Variants in ZFHX3 observed in about 807,000 individuals in gnomAD.
ZFHX3 encodes the protein zinc finger homeobox 3.
In ZFHX3, 42 loss-of-function variants were observed where a neutral mutation model predicts 279.1. That is an observed-to-expected ratio of 0.15 (90% confidence interval 0.12 to 0.19). ZFHX3 has a LOEUF of 0.19. Ranked by LOEUF, ZFHX3 falls within the 10% of genes least tolerant of loss-of-function variation. The pLI is 1.00. For missense variants in ZFHX3, 4,981 were observed against 4,754.0 expected, an observed-to-expected ratio of 1.05 and a Z score of -1.40; for synonymous variants, 2,293 against 1,957.8, an observed-to-expected ratio of 1.17 and a Z score of -4.52.
chr16:73,587,292 C>G (rs2051937673), intron 2 of ZFHX3, among the ~76,000 whole-genome samples: 1 of 152,144 alleles, frequency 6.6e-6, no homozygotes, highest in Non-Finnish European at 1.5e-5. Context: ...AGATAAGAGA[C>G]TTTTTAAAAA....
chr16:73,163,808 A>T (rs1967297894), intron 5 of ZFHX3, among the ~76,000 whole-genome samples: 2 of 152,232 alleles, frequency 1.3e-5, no homozygotes, highest in South Asian at 4.1e-4. Context: ...TTCCATATCA[A>T]TATTTTACAT....
chr16:73,856,054 A>G (rs1274337074), intron 1 of ZFHX3, among the ~76,000 whole-genome samples: 2 of 152,222 alleles, frequency 1.3e-5, no homozygotes, highest in Non-Finnish European at 2.9e-5. Context: ...ACTTAGTACC[A>G]TGGAAAAATG....
intron 8 of ZFHX3, among the ~76,000 whole-genome samples, chr16:73,066,437 C>T (rs1471869439): frequency 6.6e-6 from 1 of 152,086 alleles, no homozygotes; most frequent in Non-Finnish European, 1.5e-5. Flanking sequence ...CCTTTTTTTT[C>T]CTGCGGGCTC....
intron 1 of ZFHX3, among the ~76,000 whole-genome samples, chr16:73,726,484 G>A (rs1004215178): frequency 6.6e-6 from 1 of 152,200 alleles, no homozygotes; most frequent in African/African-American, 2.4e-5. Flanking sequence ...ATTGTAGGAT[G>A]TTTAAAGCTA....
At chr16:73,414,945 T>C (rs2017542866) in intron 3 of ZFHX3, among the ~76,000 whole-genome samples, 1 of 152,170 alleles carries the variant, frequency 6.6e-6, no homozygotes, top group Non-Finnish European at 1.5e-5. Flanking sequence ...AAGAACTGGC[T>C]CGAATAACCC....
intron 4 of ZFHX3, among the ~76,000 whole-genome samples, chr16:72,854,245 A>C (rs889745790): frequency 1.3e-5 from 2 of 152,080 alleles, no homozygotes; most frequent in African/African-American, 4.8e-5. Flanking sequence ...TAGCTTTTGG[A>C]CTTTTCCTTT....
intron 2 of ZFHX3, among the ~76,000 whole-genome samples, chr16:73,531,049 G>C (rs2019792162): frequency 6.6e-6 from 1 of 152,206 alleles, no homozygotes; most frequent in Non-Finnish European, 1.5e-5. Flanking sequence ...ATGCCAAATA[G>C]CTTTTTTCTT....
intron 3 of ZFHX3, among the ~76,000 whole-genome samples, chr16:73,404,281 G>T (rs1312682133): frequency 6.6e-6 from 1 of 152,156 alleles, no homozygotes; most frequent in Non-Finnish European, 1.5e-5. Flanking sequence ...AAGAGGGCTG[G>T]ACTTCAACCT....
intron 1 of ZFHX3, among the ~76,000 whole-genome samples, chr16:73,781,792 G>T (rs1286439131): frequency 2.0e-5 from 3 of 152,274 alleles, no homozygotes; most frequent in South Asian, 2.1e-4. Flanking sequence ...TTTGAGACCA[G>T]CCTGACCAAC....
chr16:73,127,313 C>G (rs1172966985), intron 7 of ZFHX3: 3 of 1,287,932 alleles, frequency 2.3e-6, no homozygotes, highest in Admixed American at 2.4e-5. Flanking sequence ...AAGGAAACAG[C>G]CTTCGCTGGT....
intron 1 of ZFHX3, among the ~76,000 whole-genome samples, chr16:73,786,071 A>G (rs906761488): frequency 6.6e-6 from 1 of 152,008 alleles, no homozygotes; most frequent in African/African-American, 2.4e-5. Context: ...GGCTTTCTCC[A>G]TATTGGTCAG....
intron 2 of ZFHX3, among the ~76,000 whole-genome samples, chr16:73,468,322 C>A (rs2018607166): frequency 6.6e-6 from 1 of 152,186 alleles, no homozygotes; most frequent in Non-Finnish European, 1.5e-5. Flanking sequence ...ACAGCATGCA[C>A]AAGCCACCCC....
At chr16:73,685,265 C>T (rs1315762065) in intron 1 of ZFHX3, among the ~76,000 whole-genome samples, 1 of 152,192 alleles carries the variant, frequency 6.6e-6, no homozygotes, top group Non-Finnish European at 1.5e-5. Context: ...ATCCGCCCCC[C>T]TCAGCCTCCC....
chr16:73,124,329 C>T (rs1966535353), intron 7 of ZFHX3, among the ~76,000 whole-genome samples: 1 of 152,180 alleles, frequency 6.6e-6, no homozygotes, highest in Non-Finnish European at 1.5e-5. Context: ...GCTGTGCCTT[C>T]ATGTGGTGGA....
intron 2 of ZFHX3, among the ~76,000 whole-genome samples, chr16:73,632,596 G>C (rs980897349): frequency 7.3e-5 from 11 of 151,492 alleles, no homozygotes; most frequent in African/African-American, 2.7e-4. Context: ...TGAGGCAGGA[G>C]AATTGCTTGA....
chr16:73,601,148 T>C (rs1388205886), intron 2 of ZFHX3, among the ~76,000 whole-genome samples: 1 of 152,084 alleles, frequency 6.6e-6, no homozygotes, highest in Non-Finnish European at 1.5e-5. Context: ...CTTGTACTGT[T>C]ATTGTTATTT....
chr16:72,821,608 G>T (rs1182626775), intron 5 of ZFHX3, among the ~76,000 whole-genome samples: 2 of 152,202 alleles, frequency 1.3e-5, no homozygotes, highest in Admixed American at 1.3e-4. Flanking sequence ...GCATCATTCA[G>T]CCCCCCTTGC....
intron 9 of ZFHX3, chr16:72,791,073 C>T (rs2035679755): frequency 6.6e-6 from 1 of 152,242 alleles, no homozygotes; most frequent in African/African-American, 2.4e-5. Context: ...GTACTTCATC[C>T]CCCCTAGACT....
At chr16:73,484,568 T>C (rs2018939254) in intron 2 of ZFHX3, among the ~76,000 whole-genome samples, 1 of 152,154 alleles carries the variant, frequency 6.6e-6, no homozygotes, top group Admixed American at 6.5e-5. Flanking sequence ...AATGGTCCGT[T>C]CGGGGCCAAG....
Sources: allele counts gnomAD v4.1 joint callset (sites outside exome capture counted in the v4.1 genomes callset), GRCh38; gene constraint gnomAD v4.1.1; transcripts MANE v1.5; gene names NCBI Gene and HGNC (gene_info 2026-07-23, HGNC 2026-07-21).